The following COL8A1 variants were observed in gnomAD, a reference collection of about 807,000 sequenced individuals.
The protein encoded by COL8A1 is collagen type VIII alpha 1 chain.
Under a neutral mutation model 42.7 loss-of-function variants are expected in COL8A1, and 21 were observed. The ratio of observed to expected loss-of-function variants is 0.49; its 90% CI spans 0.35 to 0.71. The LOEUF (loss-of-function observed/expected upper bound fraction) is 0.71, where lower values mean the gene tolerates loss of function less well. COL8A1 is among the 30% of genes least tolerant of loss of function. The probability of loss-of-function intolerance (pLI) is 0.01; values close to 1 mark genes in which losing one functional copy is unlikely to be tolerated. For missense variants in COL8A1, 788 were observed against 962.4 expected (o/e 0.82, Z 2.40); for synonymous variants, 367 against 369.1 (o/e 0.99, Z 0.06).
chr3:99,791,669 G>C (rs542648728), intron 3 of COL8A1, among the ~76,000 whole-genome samples: 74 of 152,290 alleles, frequency 4.9e-4, no homozygotes, highest in African/African-American at 1.6e-3. Flanking sequence ...AATTCATTTG[G>C]TTTGTCTGGA....
intron 2 of COL8A1, among the ~76,000 whole-genome samples, chr3:99,788,050 T>A (rs1207206132): frequency 6.6e-6 from 1 of 152,240 alleles, no homozygotes; most frequent in Non-Finnish European, 1.5e-5. Flanking sequence ...GCCAGGTGTT[T>A]GTATAAAGTT....
intron 1 of COL8A1, among the ~76,000 whole-genome samples, chr3:99,654,246 A>C (rs936869930): frequency 1.3e-5 from 2 of 152,166 alleles, no homozygotes; most frequent in Non-Finnish European, 1.5e-5. Flanking sequence ...GCCCACCCAG[A>C]TTGAGGGTGG....
rs573687037 is a variant in COL8A1, at chr3:99,791,313, G to C, written c.328+303G>C. On this transcript the variant is annotated intron_variant, in intron 3 of 3. Transcript: ENST00000652472. ...TTCAAACATTCAGCAACTATCTATA[G>C]TGAGCACCTATTTGTGTCAGGCTCT... Among the ~76,000 whole-genome samples the C allele has an allele frequency of 3.3e-5, 5 of 152,136 alleles. No homozygotes were observed. In the South Asian group the frequency reaches 1.0e-3, roughly 31 times the overall value.
chr3:99,723,352 G>C (rs1390266314), intron 1 of COL8A1, among the ~76,000 whole-genome samples: 3 of 152,018 alleles, frequency 2.0e-5, no homozygotes, highest in Non-Finnish European at 4.4e-5. Flanking sequence ...CCTGGAAGTT[G>C]CTTTCAGCTG....
intron 1 of COL8A1, among the ~76,000 whole-genome samples, chr3:99,672,566 CT>C (rs564320175): frequency 2.0e-5 from 3 of 151,030 alleles, no homozygotes; most frequent in Non-Finnish European, 3.0e-5. Flanking sequence ...TTAAAAAATG[CT>C]TTTTTTTAGT....
chr3:99,738,010 G>T (rs2107396386), intron 1 of COL8A1, among the ~76,000 whole-genome samples: 1 of 151,818 alleles, frequency 6.6e-6, no homozygotes, highest in East Asian at 1.9e-4. Context: ...TCTTCCAGTT[G>T]ATCGCATCGG....
At chr3:99,742,873 A>G (rs1196041956) in intron 1 of COL8A1, among the ~76,000 whole-genome samples, 8 of 152,214 alleles carry the variant, frequency 5.3e-5, no homozygotes, top group Non-Finnish European at 8.8e-5. Context: ...CACCATAACT[A>G]GAAAGAAAAA....
chr3:99,789,793 T>G (rs569206810), intron 2 of COL8A1, among the ~76,000 whole-genome samples: 1 of 152,304 alleles, frequency 6.6e-6, no homozygotes, highest in East Asian at 1.9e-4. Flanking sequence ...TAAACTTTCT[T>G]TCACAAAAGG....
intron 2 of COL8A1, among the ~76,000 whole-genome samples, chr3:99,747,964 A>C (rs2107409748): frequency 6.6e-6 from 1 of 152,344 alleles, no homozygotes; most frequent in Non-Finnish European, 1.5e-5. Context: ...GCAAGTCATG[A>C]GAGTAAATCT....
intron 1 of COL8A1, among the ~76,000 whole-genome samples, chr3:99,739,245 C>T (rs2107398508): frequency 6.6e-6 from 1 of 152,342 alleles, no homozygotes; most frequent in South Asian, 2.1e-4. Context: ...ATCTTGGCTC[C>T]TCCTCTCCCA....
At chr3:99,772,573 C>A (rs972945673) in intron 2 of COL8A1, among the ~76,000 whole-genome samples, 2 of 152,080 alleles carry the variant, frequency 1.3e-5, no homozygotes, top group Non-Finnish European at 2.9e-5. Flanking sequence ...TATATGGGAA[C>A]TTTGTACTCT....
At chr3:99,714,806 G>A (rs552968751) in intron 1 of COL8A1, among the ~76,000 whole-genome samples, 22 of 152,202 alleles carry the variant, frequency 1.4e-4, no homozygotes, top group African/African-American at 4.6e-4. Context: ...AAATTTTTCA[G>A]ATGACGAGTG....
intron 2 of COL8A1, among the ~76,000 whole-genome samples, chr3:99,757,674 T>C (rs1941280512): frequency 6.6e-6 from 1 of 152,200 alleles, no homozygotes; most frequent in Admixed American, 6.5e-5. Context: ...CATCATTTTA[T>C]CTGCCGTAGC....
chr3:99,640,336 A>G (rs1300226235), intron 1 of COL8A1, among the ~76,000 whole-genome samples: 4 of 152,230 alleles, frequency 2.6e-5, no homozygotes, highest in Non-Finnish European at 5.9e-5. Flanking sequence ...GAGTACAGGT[A>G]TGGGACAAGG....
chr3:99,749,307 A>C (rs1941093248), intron 2 of COL8A1, among the ~76,000 whole-genome samples: 1 of 152,194 alleles, frequency 6.6e-6, no homozygotes, highest in Non-Finnish European at 1.5e-5. Context: ...AATCAGCAAG[A>C]GGGAACAGAA....
At chr3:99,676,714 G>A (rs1009942621) in intron 1 of COL8A1, among the ~76,000 whole-genome samples, 2 of 151,686 alleles carry the variant, frequency 1.3e-5, no homozygotes, top group Non-Finnish European at 2.9e-5. Flanking sequence ...TGTGTATTAA[G>A]GTAAGAAAGA....
chr3:99,675,156 C>T (rs1442913940), intron 1 of COL8A1, among the ~76,000 whole-genome samples: 1 of 151,616 alleles, frequency 6.6e-6, no homozygotes, highest in East Asian at 1.9e-4. Context: ...CACATAGCTC[C>T]ATGTGAAGCT....
intron 1 of COL8A1, among the ~76,000 whole-genome samples, chr3:99,700,302 AG>A (rs1173482321): frequency 6.6e-6 from 1 of 150,506 alleles, no homozygotes; most frequent in Non-Finnish European, 1.5e-5. Flanking sequence ...TTTTTTTAGA[AG>A]AAAAAAAAAA....
Position 99,798,296 on chromosome 3 carries a change from A to C in COL8A1, c.*2160A>C, listed in dbSNP as rs963539475. On this transcript the variant is annotated 3_prime_UTR_variant, in exon 4 of 4. Coordinates refer to ENST00000652472, the MANE Select transcript of COL8A1 (RefSeq NM_020351.4). ...TTCCCAACAAAAAGATGTCCTCCAC[A>C]ACCTTTGTTTTCAAAGCAGACAGCA... The C allele has an allele frequency of 6.6e-6, 1 of 152,174 alleles. No individual in the cohort carries two copies. The highest frequency in any genetic ancestry group is 1.5e-5 in the Non-Finnish European group (1 of 68,034). The allele number at this position is 152,174 out of a possible 1,614,324, so 9.4% of individuals were successfully genotyped here.
Sources: gnomAD v4.1 joint callset for allele counts (sites outside exome capture counted in the v4.1 genomes callset) on GRCh38, gnomAD v4.1.1 for gene constraint, MANE v1.5 for transcripts, NCBI Gene and HGNC (gene_info 2026-07-23, HGNC 2026-07-21) for gene names.